The following WWTR1 variants were observed in gnomAD, a reference collection of about 807,000 sequenced individuals.
WWTR1 encodes WW domain-containing transcription regulator protein 1.
In WWTR1, 13 loss-of-function variants were observed where a neutral mutation model predicts 40.1. The observed-to-expected ratio is 0.32, with a 90% CI of 0.21 to 0.52. The LOEUF (loss-of-function observed/expected upper bound fraction) is 0.52. WWTR1 is among the 20% of genes least tolerant of loss of function. WWTR1 has a pLI of 0.97. For synonymous variants in WWTR1, 230 were observed against 210.1 expected (o/e 1.09, Z -0.82); for missense variants, 436 against 523.1 (o/e 0.83, Z 1.63).
At chr3:149,723,507 T>TTTG (rs1270572842) in intron 4 of WWTR1, among the ~76,000 whole-genome samples, 1 of 152,102 alleles carries the variant, frequency 6.6e-6, no homozygotes, top group East Asian at 1.9e-4. Context: ...GTTTTCTGTT[T>TTTG]TTGTTGTTGT....
At chr3:149,579,360 C>G (rs1280457594) in intron 2 of WWTR1, among the ~76,000 whole-genome samples, 9 of 152,112 alleles carry the variant, frequency 5.9e-5, no homozygotes, top group African/African-American at 4.8e-5. Flanking sequence ...TTAAAGACAG[C>G]CTGGGGTCAT....
chr3:149,676,402 T>G (rs1714261455), intron 1 of WWTR1, among the ~76,000 whole-genome samples: 1 of 152,204 alleles, frequency 6.6e-6, no homozygotes, highest in South Asian at 2.1e-4. Context: ...AAATCCAGTC[T>G]CATTTTTATT....
chr3:149,557,067 T>TTTTTTTTTG (rs1736863090), intron 3 of WWTR1, among the ~76,000 whole-genome samples: 1 of 103,006 alleles, frequency 9.7e-6, no homozygotes, highest in Non-Finnish European at 1.9e-5. Flanking sequence ...TCTTCTTTTT[T>TTTTTTTTTG]TTTTTTTTTT....
chr3:149,651,643 A>C (rs957232821), intron 2 of WWTR1, among the ~76,000 whole-genome samples: 1 of 152,224 alleles, frequency 6.6e-6, no homozygotes, highest in Non-Finnish European at 1.5e-5. Flanking sequence ...CACAAATTTA[A>C]ACAACTGATG....
intron 1 of WWTR1, among the ~76,000 whole-genome samples, chr3:149,679,481 C>T (rs1714383561): frequency 6.6e-6 from 1 of 152,038 alleles, no homozygotes. Context: ...TAAGTTGGCT[C>T]CCAGTAAAAT....
intron 3 of WWTR1, among the ~76,000 whole-genome samples, chr3:149,557,906 G>A (rs1444285073): frequency 1.3e-5 from 2 of 151,394 alleles, no homozygotes; most frequent in African/African-American, 4.9e-5. Flanking sequence ...GGGAGGCTGA[G>A]GCACGAGAAT....
At chr3:149,571,121 C>A (rs1737602225) in intron 3 of WWTR1, among the ~76,000 whole-genome samples, 2 of 151,650 alleles carry the variant, frequency 1.3e-5, no homozygotes, top group Admixed American at 1.3e-4. Flanking sequence ...CATACACACA[C>A]ACACAACTAG....
At chr3:149,632,915 G>A (rs551694656) in intron 2 of WWTR1, among the ~76,000 whole-genome samples, 9 of 152,224 alleles carry the variant, frequency 5.9e-5, no homozygotes, top group Admixed American at 1.3e-4. Flanking sequence ...GAATGTGGAG[G>A]AGAGGGGCAT....
At chr3:149,618,173 C>T (rs924642992) in intron 2 of WWTR1, among the ~76,000 whole-genome samples, 2 of 152,194 alleles carry the variant, frequency 1.3e-5, no homozygotes, top group African/African-American at 4.8e-5. Flanking sequence ...CAGGCATGTC[C>T]TCTCAGAAGA....
At chr3:149,661,828 G>A (rs948996735), upstream of WWTR1, among the ~76,000 whole-genome samples, 4 of 151,434 alleles carry the variant, frequency 2.6e-5, no homozygotes, top group East Asian at 1.9e-4. Flanking sequence ...CACCTCCCGG[G>A]TTCAAGCGAT....
At chr3:149,697,857 A>G (rs551266540) in intron 1 of WWTR1, among the ~76,000 whole-genome samples, 1 of 152,224 alleles carries the variant, frequency 6.6e-6, no homozygotes, top group Non-Finnish European at 1.5e-5. Flanking sequence ...AAACATTCCT[A>G]TTCCAAAAGG....
intron 2 of WWTR1, among the ~76,000 whole-genome samples, chr3:149,599,900 T>C (rs549539081): frequency 6.6e-6 from 1 of 152,278 alleles, no homozygotes; most frequent in East Asian, 1.9e-4. Context: ...CTGTTTCACA[T>C]CCTGGGATTC....
chr3:149,696,993 T>G lies in WWTR1; in HGVS notation c.-108+6131A>C, dbSNP rs541629718. Among the ~76,000 whole-genome samples the G allele has an allele frequency of 2.0e-5, 3 of 152,322 alleles. No homozygotes were observed. In the South Asian group the frequency reaches 6.2e-4, roughly 32 times the overall value. ...GCTAACTCCTAGCTCATTCCTGATG[T>G]CTTAGCACGGAGGTCACTTTTTCTA... On this transcript the variant is annotated intron_variant, in intron 1 of 7. Transcript: ENST00000465804.
intron 2 of WWTR1, among the ~76,000 whole-genome samples, chr3:149,608,918 A>G (rs1356947728): frequency 6.6e-6 from 1 of 151,904 alleles, no homozygotes; most frequent in Non-Finnish European, 1.5e-5. Flanking sequence ...ATAATACAAA[A>G]ATTAGTGAGC....
intron 2 of WWTR1, among the ~76,000 whole-genome samples, chr3:149,600,330 G>C (rs1739186938): frequency 6.6e-6 from 1 of 152,144 alleles, no homozygotes; most frequent in African/African-American, 2.4e-5. Flanking sequence ...TCCCCGATGG[G>C]AATATAATTG....
chr3:149,557,915 A>G (rs1489366127), intron 3 of WWTR1, among the ~76,000 whole-genome samples: 1 of 151,478 alleles, frequency 6.6e-6, no homozygotes, highest in Non-Finnish European at 1.5e-5. Flanking sequence ...AGGCACGAGA[A>G]TCACTTGGAC....
At chr3:149,589,635 C>A (rs1397727453) in intron 2 of WWTR1, among the ~76,000 whole-genome samples, 1 of 143,002 alleles carries the variant, frequency 7.0e-6, no homozygotes, top group Non-Finnish European at 1.5e-5. Context: ...TTAGATTTTT[C>A]CTTTCCATGA....
Position 149,668,607 on chromosome 3 carries a change from C to CAAAAAAAAAAAA in WWTR1, c.-4+1180_-4+1181insTTTTTTTTTTTT, listed in dbSNP as rs10522665. Among the ~76,000 whole-genome samples, 35 of 125,484 alleles carry CAAAAAAAAAAAA rather than the reference C, an allele frequency of 2.8e-4. 5 individuals carry two copies. In the East Asian group the frequency reaches 3.2e-3, roughly 12 times the overall value. 82.3% of individuals were successfully genotyped at this position (125,484 alleles called of 152,430 possible). A position where few individuals can be genotyped will look rare whatever the true frequency, so the allele number is the denominator to read the frequency against. ...AGGGCAACAGAGCAAGATTGTGTCT[C>CAAAAAAAAAAAA]AAAAAAAACAACAAAAAACTGAGTC... On this transcript the variant is annotated intron_variant, in intron 2 of 7. Transcript: ENST00000465804.
intron 2 of WWTR1, among the ~76,000 whole-genome samples, chr3:149,610,641 AGCAGG>A (rs1274372986): frequency 1.3e-5 from 2 of 152,226 alleles, no homozygotes; most frequent in African/African-American, 4.8e-5. Context: ...CTCTCTTTCT[AGCAGG>A]GCAGGCCAGG....
Sources: gnomAD v4.1 joint callset for allele counts (sites outside exome capture counted in the v4.1 genomes callset) on GRCh38, gnomAD v4.1.1 for gene constraint, MANE v1.5 for transcripts, NCBI Gene and HGNC (gene_info 2026-07-23, HGNC 2026-07-21) for gene names.